The following LRGUK variants were observed in gnomAD, a reference collection of about 807,000 sequenced individuals.
The protein encoded by LRGUK is leucine rich repeats and guanylate kinase domain containing.
LRGUK carries 65 observed loss-of-function variants against 76.0 expected under a neutral mutation model. The observed-to-expected ratio is 0.85, with a 90% CI of 0.70 to 1.05. The LOEUF (loss-of-function observed/expected upper bound fraction) is 1.05. Among genes scored for constraint, LRGUK ranks in the 50% least tolerant of loss-of-function variants. The pLI, the probability that LRGUK is intolerant of heterozygous loss-of-function variation, is 0.00. For missense variants in LRGUK, 758 were observed against 732.8 expected (o/e 1.03, Z -0.40); for synonymous variants, 268 against 265.6 (o/e 1.01, Z -0.09).
At chr7:134,173,785 G>T (rs1799360807) in intron 7 of LRGUK, among the ~76,000 whole-genome samples, 1 of 152,146 alleles carries the variant, frequency 6.6e-6, no homozygotes, top group South Asian at 2.1e-4. Flanking sequence ...ATAATTCTCT[G>T]TTGGAAAAAG....
intron 16 of LRGUK, among the ~76,000 whole-genome samples, chr7:134,238,905 T>C (rs952608727): frequency 6.6e-6 from 1 of 152,200 alleles, no homozygotes; most frequent in African/African-American, 2.4e-5. Flanking sequence ...GCTCTGTTCT[T>C]CTCTGACCCC....
At chr7:134,193,165 A>G (rs1022625592) in intron 12 of LRGUK, among the ~76,000 whole-genome samples, 1 of 152,204 alleles carries the variant, frequency 6.6e-6, no homozygotes, top group African/African-American at 2.4e-5. Context: ...AACTTTGTCA[A>G]AAGAACATCT....
downstream of LRGUK, among the ~76,000 whole-genome samples, chr7:134,210,660 G>A (rs763134525): frequency 3.3e-5 from 5 of 152,194 alleles, no homozygotes; most frequent in African/African-American, 1.2e-4. Context: ...CAGGTTCATC[G>A]AAAGGGCAGG....
intron 1 of LRGUK, among the ~76,000 whole-genome samples, chr7:134,133,078 T>C (rs1323294988): frequency 6.6e-6 from 1 of 152,168 alleles, no homozygotes; most frequent in Non-Finnish European, 1.5e-5. Context: ...TTGTGGGGTC[T>C]TCTCTAGCCC....
chr7:134,250,880 G>A (rs1802425580), intron 18 of LRGUK, among the ~76,000 whole-genome samples: 1 of 152,162 alleles, frequency 6.6e-6, no homozygotes, highest in Admixed American at 6.5e-5. Flanking sequence ...AAGGGGTCAG[G>A]CCTGTGGCTC....
intron 1 of LRGUK, among the ~76,000 whole-genome samples, chr7:134,129,367 C>T (rs1254701943): frequency 4.7e-5 from 3 of 63,732 alleles, no homozygotes; most frequent in Non-Finnish European, 9.7e-5. Flanking sequence ...TCCTTCCTGC[C>T]TTCCTTCCCC....
At chr7:134,248,862 A>T (rs1182721578) in intron 17 of LRGUK, 89 bp from the exon 18 acceptor site, 2 of 1,071,484 alleles carry the variant, frequency 1.9e-6, no homozygotes, top group Non-Finnish European at 2.4e-6. Context: ...ATTTGCGTTT[A>T]TCTGGGATAT....
intron 16 of LRGUK, among the ~76,000 whole-genome samples, chr7:134,230,135 C>G (rs1172621696): frequency 3.3e-5 from 5 of 151,934 alleles, no homozygotes; most frequent in Non-Finnish European, 7.4e-5. Flanking sequence ...GTAACTATAA[C>G]CAACAAAGTG....
chr7:134,191,071 A>G (rs1800223387), intron 11 of LRGUK, among the ~76,000 whole-genome samples: 1 of 152,124 alleles, frequency 6.6e-6, no homozygotes, highest in African/African-American at 2.4e-5. Context: ...GTTGATATGG[A>G]CCAAGCACAG....
chr7:134,232,906 C>T (rs910485050), intron 16 of LRGUK, among the ~76,000 whole-genome samples: 4 of 152,090 alleles, frequency 2.6e-5, no homozygotes, highest in African/African-American at 9.7e-5. Context: ...TCCCAAAGCA[C>T]ATTAATTTGA....
downstream of LRGUK, among the ~76,000 whole-genome samples, chr7:134,266,355 A>C (rs556956882): frequency 6.6e-6 from 1 of 152,366 alleles, no homozygotes; most frequent in East Asian, 1.9e-4. Context: ...AGCAATCATA[A>C]AAATGCTTCA....
intron 1 of LRGUK, among the ~76,000 whole-genome samples, chr7:134,136,171 T>G (rs958488135): frequency 1.3e-5 from 2 of 152,186 alleles, no homozygotes; most frequent in African/African-American, 4.8e-5. Flanking sequence ...AATGTGCTGG[T>G]CATTATGGAG....
chr7:134,199,979 CTTTT>C (rs1377363694), intron 14 of LRGUK, among the ~76,000 whole-genome samples: 5 of 54,866 alleles, frequency 9.1e-5, no homozygotes, highest in Non-Finnish European at 1.7e-4. Context: ...ATTCTAGAAA[CTTTT>C]ATATATATAT....
chr7:134,166,793 T>C (rs1212920442), intron 7 of LRGUK, among the ~76,000 whole-genome samples: 3 of 152,210 alleles, frequency 2.0e-5, no homozygotes, highest in Non-Finnish European at 4.4e-5. Flanking sequence ...CGAAGACTCC[T>C]TGCTTCTTGT....
intron 4 of LRGUK, among the ~76,000 whole-genome samples, chr7:134,143,416 T>A (rs1468891940): frequency 1.3e-5 from 2 of 152,156 alleles, no homozygotes; most frequent in East Asian, 3.8e-4. Context: ...TCCTCTGGTC[T>A]CCTCTTTCCC....
intron 19 of LRGUK, among the ~76,000 whole-genome samples, chr7:134,262,994 G>C (rs1028435027): frequency 2.4e-4 from 34 of 142,982 alleles, no homozygotes; most frequent in African/African-American, 9.4e-4. Flanking sequence ...AAAAAAAAAA[G>C]GAGGAGTTTT....
chr7:134,214,218 A>G (rs928548930), downstream of LRGUK, among the ~76,000 whole-genome samples: 3 of 148,492 alleles, frequency 2.0e-5, no homozygotes, highest in African/African-American at 7.4e-5. Context: ...AACAGGATAG[A>G]CTTTTTTTTT....
the LRGUK span, among the ~76,000 whole-genome samples, chr7:134,270,934 G>GT: frequency 3.9e-5 from 6 of 151,986 alleles, no homozygotes; most frequent in Admixed American, 2.0e-4. Flanking sequence ...TCACCAACAC[G>GT]TAAGAGGGTG....
At chr7:134,138,434 C>T (rs181422327) in intron 2 of LRGUK, among the ~76,000 whole-genome samples, 36 of 152,000 alleles carry the variant, frequency 2.4e-4, no homozygotes, top group African/African-American at 7.7e-4. Flanking sequence ...ACTTATGTTA[C>T]ATGTTATTTT....
Sources: allele counts gnomAD v4.1 joint callset (sites outside exome capture counted in the v4.1 genomes callset), GRCh38; gene constraint gnomAD v4.1.1; transcripts MANE v1.5; gene names NCBI Gene and HGNC (gene_info 2026-07-23, HGNC 2026-07-21).